Variants in IMMP2L observed in about 807,000 individuals in gnomAD.
IMMP2L encodes the protein mitochondrial inner membrane protease subunit 2.
A neutral mutation model predicts 19.3 loss-of-function variants in IMMP2L; 18 were observed. The ratio of observed to expected loss-of-function variants is 0.93; its 90% CI spans 0.64 to 1.38. The LOEUF (loss-of-function observed/expected upper bound fraction) is 1.38. Ranked by LOEUF, IMMP2L falls within the 40% of genes most tolerant of loss-of-function variation. The pLI is 0.00. For missense variants in IMMP2L, 233 were observed against 218.2 expected, an observed-to-expected ratio of 1.07 and a Z score of -0.43; for synonymous variants, 76 against 73.0, an observed-to-expected ratio of 1.04 and a Z score of -0.21.
At chr7:111,481,247 A>G (rs1376441985) in intron 3 of IMMP2L, among the ~76,000 whole-genome samples, 2 of 152,202 alleles carry the variant, frequency 1.3e-5, no homozygotes, top group East Asian at 3.9e-4. Context: ...TGGGAGTAAA[A>G]TAAGAGATGT....
intron 3 of IMMP2L, among the ~76,000 whole-genome samples, chr7:111,208,099 A>C (rs941362332): frequency 6.6e-6 from 1 of 152,108 alleles, no homozygotes; most frequent in Non-Finnish European, 1.5e-5. Flanking sequence ...TCAGGACCTA[A>C]TGGACTCAAA....
chr7:110,858,686 C>T (rs924519604), intron 5 of IMMP2L, among the ~76,000 whole-genome samples: 1 of 151,898 alleles, frequency 6.6e-6, no homozygotes, highest in Admixed American at 6.6e-5. Context: ...ATGTGCCATG[C>T]TGGTGTGCTG....
intron 3 of IMMP2L, among the ~76,000 whole-genome samples, chr7:111,436,595 A>C (rs1368770513): frequency 1.3e-5 from 2 of 151,874 alleles, no homozygotes; most frequent in Admixed American, 6.6e-5. Flanking sequence ...TAAAAAATCA[A>C]AATAAAGTAA....
At chr7:111,382,135 C>T (rs1031337642) in intron 3 of IMMP2L, among the ~76,000 whole-genome samples, 6 of 151,678 alleles carry the variant, frequency 4.0e-5, no homozygotes, top group Non-Finnish European at 8.8e-5. Flanking sequence ...GGTCAAGGGT[C>T]CAAGACAGAA....
intron 3 of IMMP2L, among the ~76,000 whole-genome samples, chr7:111,070,640 C>T (rs1187347618): frequency 6.6e-6 from 1 of 152,084 alleles, no homozygotes; most frequent in Non-Finnish European, 1.5e-5. Flanking sequence ...AAAGGATTTT[C>T]CCTAGTGAGT....
At chr7:111,128,882 C>T (rs894108971) in intron 3 of IMMP2L, among the ~76,000 whole-genome samples, 2 of 151,982 alleles carry the variant, frequency 1.3e-5, no homozygotes, top group Non-Finnish European at 2.9e-5. Context: ...ACATGGATAC[C>T]TGTTATGTGA....
chr7:111,523,829 A>G (rs1268810803), intron 1 of IMMP2L, among the ~76,000 whole-genome samples: 2 of 152,130 alleles, frequency 1.3e-5, no homozygotes, highest in Admixed American at 1.3e-4. Flanking sequence ...AGTCTTAACC[A>G]CTATATTCCT....
At chr7:111,198,131 G>T (rs953800527) in intron 3 of IMMP2L, among the ~76,000 whole-genome samples, 21 of 152,018 alleles carry the variant, frequency 1.4e-4, no homozygotes, top group African/African-American at 4.8e-4. Flanking sequence ...TGTCCTCCAG[G>T]ACACAAGAAT....
chr7:111,141,665 T>C (rs1802909156), intron 3 of IMMP2L, among the ~76,000 whole-genome samples: 1 of 152,156 alleles, frequency 6.6e-6, no homozygotes, highest in Admixed American at 6.5e-5. Flanking sequence ...TTAGTGACAT[T>C]TCAATGAGGA....
At chr7:110,798,704 T>A (rs1801036991) in intron 5 of IMMP2L, among the ~76,000 whole-genome samples, 1 of 151,928 alleles carries the variant, frequency 6.6e-6, no homozygotes, top group African/African-American at 2.4e-5. Context: ...TGACTTCAAT[T>A]GAACATTATA....
intron 3 of IMMP2L, among the ~76,000 whole-genome samples, chr7:111,131,017 A>T (rs1013941): frequency 0.022 from 3,274 of 151,926 alleles, 111 homozygotes; most frequent in African/African-American, 0.074. Context: ...TCAAGATTTT[A>T]AAAAAAATTA....
chr7:111,490,179 C>T (rs765081093), intron 2 of IMMP2L, among the ~76,000 whole-genome samples: 1 of 150,942 alleles, frequency 6.6e-6, no homozygotes. Flanking sequence ...TTCACTGTAG[C>T]CTTGAACTCC....
rs1333663773 is a variant in IMMP2L, at chr7:110,727,972, T to C, written c.409-64251A>G. 1.3e-5 allele frequency among the ~76,000 whole-genome samples: 2 copies of C among 152,196 alleles called. No homozygotes were observed. The highest frequency in any genetic ancestry group is 2.4e-5 in the African/African-American group (1 of 41,454). On this transcript the variant is annotated intron_variant, in intron 5 of 5. Coordinates refer to ENST00000405709, the MANE Select transcript of IMMP2L (RefSeq NM_032549.4). The surrounding 1 kb of genome is among the most constrained non-coding windows in gnomAD (Gnocchi z 4.3). ...ACACATGTAATTCTGCTCACTTCTGTTAACATTGTAAAAGGCAGCACAGGA... is the reference window on the plus strand; with the variant it reads ...ACACATGTAATTCTGCTCACTTCTGCTAACATTGTAAAAGGCAGCACAGGA...
chr7:111,296,256 A>G (rs555083672), intron 3 of IMMP2L, among the ~76,000 whole-genome samples: 4 of 152,060 alleles, frequency 2.6e-5, no homozygotes, highest in South Asian at 2.1e-4. Context: ...GTCAATAAGC[A>G]TTTGAAAAGA....
intron 5 of IMMP2L, among the ~76,000 whole-genome samples, chr7:110,720,880 C>G (rs533661782): frequency 6.6e-6 from 1 of 152,218 alleles, no homozygotes; most frequent in African/African-American, 2.4e-5. Flanking sequence ...TCACAGGTAT[C>G]TAGGAACACA....
intron 3 of IMMP2L, among the ~76,000 whole-genome samples, chr7:111,474,807 T>C (rs1841579407): frequency 6.6e-6 from 1 of 152,138 alleles, no homozygotes; most frequent in Admixed American, 6.6e-5. Context: ...TTCAAGTTCT[T>C]ATTGCTCTTT....
intron 3 of IMMP2L, among the ~76,000 whole-genome samples, chr7:111,017,908 T>G (rs970525819): frequency 6.6e-6 from 1 of 152,196 alleles, no homozygotes; most frequent in African/African-American, 2.4e-5. Context: ...TCATTTTGAA[T>G]TATATACATA....
chr7:111,098,242 T>C (rs758822228), intron 3 of IMMP2L, among the ~76,000 whole-genome samples: 1 of 151,844 alleles, frequency 6.6e-6, no homozygotes, highest in Non-Finnish European at 1.5e-5. Flanking sequence ...GTTCCTCTTA[T>C]TGTCATTTAT....
intron 1 of IMMP2L, among the ~76,000 whole-genome samples, chr7:111,535,685 G>A (rs1847825114): frequency 6.6e-6 from 1 of 152,058 alleles, no homozygotes; most frequent in South Asian, 2.1e-4. Context: ...TTGGGGGGTG[G>A]GGAATGCAAA....
Sources: gnomAD v4.1 joint callset for allele counts (sites outside exome capture counted in the v4.1 genomes callset) on GRCh38, gnomAD v4.1.1 for gene constraint, Gnocchi (gnomAD v3.1) non-coding constraint, MANE v1.5 for transcripts, NCBI Gene and HGNC (gene_info 2026-07-23, HGNC 2026-07-21) for gene names.